Variants in TTC33 observed in about 807,000 individuals in gnomAD.
TTC33 encodes the protein tetratricopeptide repeat protein 33.
In TTC33, 24 loss-of-function variants were observed where a neutral mutation model predicts 29.4. That is an observed-to-expected ratio of 0.82 (90% CI 0.59 to 1.15). The LOEUF is 1.15. Among genes scored for constraint, TTC33 ranks in the 50% most tolerant of loss-of-function variants. TTC33 has a pLI of 0.00. For synonymous variants in TTC33, 107 were observed against 100.3 expected, an observed-to-expected ratio of 1.07 and a Z score of -0.40; for missense variants, 286 against 310.4, an observed-to-expected ratio of 0.92 and a Z score of 0.59.
Position 40,716,275 on chromosome 5 carries a change from T to C in TTC33, c.659A>G (p.Glu220Gly), listed in dbSNP as rs150901928. 1.2e-6 allele frequency: 2 copies of C among 1,614,102 alleles called. No homozygotes were observed. Among genetic ancestry groups the C allele is most frequent in the African/African-American group, 2.7e-5 (2 of 74,942 alleles). ...EIVAVCAAIA[E>G]KEKTVSANKT... is the part of the protein sequence containing the mutation. ...ATTTGCTGAAACTGTCTTCTCTTTC[T>C]CAGCAATAGCTGCACAAACAGCAAC... Residue 220 changes from glutamate (E) to glycine (G), a missense_variant, in exon 5 of 5, where the codon GAG (glutamate) becomes GGG (glycine). By Grantham distance (98) the Glu-to-Gly change is moderately conservative (BLOSUM62 -2). Transcript: ENST00000337702.
intron 2 of TTC33, among the ~76,000 whole-genome samples, chr5:40,732,997 G>C (rs1348131519): frequency 6.6e-6 from 1 of 151,994 alleles, no homozygotes; most frequent in East Asian, 1.9e-4. Context: ...AGAAAAGAGG[G>C]GACAGATGTA....
chr5:40,746,698 A>G, intron 2 of TTC33, 100 bp downstream of exon 2: 1 of 915,258 alleles, frequency 1.1e-6, no homozygotes, highest in Non-Finnish European at 1.6e-6. Context: ...ATAGATTTTT[A>G]AACATGAATT....
At chr5:40,732,472 C>CATTT (rs764277018) in intron 2 of TTC33, among the ~76,000 whole-genome samples, 18 of 151,642 alleles carry the variant, frequency 1.2e-4, no homozygotes, top group Admixed American at 2.0e-4. Flanking sequence ...GTATGCCTCC[C>CATTT]ATTTAGTTCT....
At chr5:40,744,837 C>CA (rs1742761781) in intron 2 of TTC33, among the ~76,000 whole-genome samples, 1 of 152,132 alleles carries the variant, frequency 6.6e-6, no homozygotes, top group Admixed American at 6.6e-5. Flanking sequence ...CCAAACACAG[C>CA]AAAGAGACAG....
chr5:40,720,446 AATGCTT>A (rs1236933853), intron 4 of TTC33, among the ~76,000 whole-genome samples: 2 of 152,224 alleles, frequency 1.3e-5, no homozygotes, highest in Non-Finnish European at 2.9e-5. Context: ...CTTGATTACT[AATGCTT>A]TCATATTTAC....
chr5:40,716,253 T>A lies in TTC33; in HGVS notation c.681A>T (p.Ala227=). ...CAGACACAATAACCATTGTTTTATT[T>A]GCTGAAACTGTCTTCTCTTTCTCAG... ...AIAEKEKTVS[A]NKTMVIVSAS... is the part of the protein sequence containing the mutation. The change falls in exon 5 of 5, where the codon GCA becomes GCT. Residue 227 remains alanine, a synonymous_variant. Coordinates refer to ENST00000337702, the MANE Select transcript of TTC33 (RefSeq NM_012382.3). 1 of 1,614,232 alleles carries A rather than the reference T, an allele frequency of 6.2e-7. No individual in the cohort carries two copies. The highest frequency in any genetic ancestry group is 2.2e-5 in the East Asian group (1 of 44,886).
intron 4 of TTC33, among the ~76,000 whole-genome samples, chr5:40,724,445 C>T (rs1329082393): frequency 6.6e-6 from 1 of 151,908 alleles, no homozygotes; most frequent in Admixed American, 6.6e-5. Flanking sequence ...CCAGCCTGGC[C>T]AACACGGTGA....
chr5:40,717,606 T>C (rs1742029458), intron 4 of TTC33, among the ~76,000 whole-genome samples: 1 of 152,224 alleles, frequency 6.6e-6, no homozygotes, highest in Non-Finnish European at 1.5e-5. Flanking sequence ...CTTCCTTTCC[T>C]AGTTGTGATA....
intron 2 of TTC33, 84 bp downstream of exon 2, chr5:40,746,714 A>G (rs1742794469): frequency 2.0e-6 from 2 of 1,011,564 alleles, no homozygotes; most frequent in African/African-American, 1.6e-5. Flanking sequence ...GAATTTATCA[A>G]ATTCATAACT....
At chr5:40,724,164 T>C (rs1742223434) in intron 4 of TTC33, among the ~76,000 whole-genome samples, 1 of 152,082 alleles carries the variant, frequency 6.6e-6, no homozygotes, top group Non-Finnish European at 1.5e-5. Context: ...GCAAATGGTA[T>C]ACACACAAAA....
chr5:40,728,526 GCAACTA>G (rs1742350727), intron 3 of TTC33, 50 bp from the exon 4 acceptor site: 5 of 1,503,280 alleles, frequency 3.3e-6, no homozygotes, highest in Non-Finnish European at 4.5e-6. Flanking sequence ...TCATAAACTA[GCAACTA>G]CATAAAAAAC....
At chr5:40,731,296 C>T (rs1180198053) in intron 2 of TTC33, among the ~76,000 whole-genome samples, 1 of 152,164 alleles carries the variant, frequency 6.6e-6, no homozygotes, top group Non-Finnish European at 1.5e-5. Flanking sequence ...TACCTGTGCT[C>T]CACTCAGCAG....
rs1212795365 is a variant in TTC33, at chr5:40,714,623, TA to T, written c.*1521del. 2.0e-5 allele frequency: 3 copies of T among 152,290 alleles called. No homozygotes were observed. The East Asian group carries it at 5.8e-4, about 29-fold the overall frequency. The allele number at this position is 152,290 out of a possible 1,614,324, so 9.4% of individuals were successfully genotyped here. On this transcript the variant is annotated 3_prime_UTR_variant, in exon 5 of 5. Transcript: ENST00000337702. The stretch of plus-strand genomic sequence containing the variant: ...ATTAAACAAAATAAAATAATTAACA[TA>T]TTTTTTGGAGCACTCTGAAACTAAC...
chr5:40,716,327 C>G lies in TTC33; in HGVS notation c.607G>C (p.Asp203His), dbSNP rs779672721. ...VTHFSPKSIPDYDFESDEIVA... is the reference protein window; with the variant it reads ...VTHFSPKSIPHYDFESDEIVA... ...ATCTCATCACTTTCAAAGTCATAGT[C>G]TGGAATTGACTTTGGTGAAAAGTGT... is the stretch of plus-strand genomic sequence containing the variant. The change falls in exon 5 of 5, where the codon GAC becomes CAC. Residue 203 changes from aspartate (D) to histidine (H), a missense_variant. By Grantham distance (81) the Asp-to-His change is moderately conservative. Transcript: ENST00000337702. 7 of 1,614,042 alleles carry G rather than the reference C, an allele frequency of 4.3e-6. No individual in the cohort carries two copies. Among genetic ancestry groups the G allele is most frequent in the South Asian group, 1.1e-5 (1 of 91,082 alleles).
chr5:40,718,101 A>G (rs1262382411), intron 4 of TTC33, among the ~76,000 whole-genome samples: 1 of 151,596 alleles, frequency 6.6e-6, no homozygotes, highest in Non-Finnish European at 1.5e-5. Flanking sequence ...CAGATTTACA[A>G]TCTAATAGGC....
chr5:40,741,564 A>G (rs1742695309), intron 2 of TTC33, among the ~76,000 whole-genome samples: 1 of 151,816 alleles, frequency 6.6e-6, no homozygotes, highest in Non-Finnish European at 1.5e-5. Context: ...CTGGTACTCT[A>G]CTCTGCAACT....
chr5:40,745,127 G>A (rs1365583785), intron 2 of TTC33, among the ~76,000 whole-genome samples: 1 of 152,036 alleles, frequency 6.6e-6, no homozygotes, highest in Non-Finnish European at 1.5e-5. Flanking sequence ...GAAAACCCAA[G>A]GATGCCAAAA....
intron 4 of TTC33, among the ~76,000 whole-genome samples, chr5:40,727,200 A>C (rs1386300367): frequency 6.6e-6 from 1 of 152,230 alleles, no homozygotes; most frequent in African/African-American, 2.4e-5. Flanking sequence ...TAGTAAGTTT[A>C]TATTTTGAAT....
chr5:40,742,757 A>T (rs1742720869), intron 2 of TTC33, among the ~76,000 whole-genome samples: 1 of 152,228 alleles, frequency 6.6e-6, no homozygotes, highest in South Asian at 2.1e-4. Flanking sequence ...ATTCGGGAGG[A>T]GGGTGAGAAA....
Sources: gnomAD v4.1 joint callset for allele counts (sites outside exome capture counted in the v4.1 genomes callset) on GRCh38, gnomAD v4.1.1 for gene constraint, MANE v1.5 for transcripts, NCBI Gene and HGNC (gene_info 2026-07-23, HGNC 2026-07-21) for gene names.